RHOBTB3: variants seen among roughly 807,000 people sequenced by gnomAD.
The protein encoded by RHOBTB3 is Rho related BTB domain containing 3.
RHOBTB3 carries 47 observed loss-of-function variants against 67.2 expected under a neutral mutation model. The observed-to-expected ratio is 0.70, with a 90% CI of 0.55 to 0.89. RHOBTB3 has a LOEUF of 0.89. Among genes scored for constraint, RHOBTB3 ranks in the 40% least tolerant of loss-of-function variants. RHOBTB3 has a pLI of 0.00. For missense variants in RHOBTB3, 631 were observed against 750.0 expected (o/e 0.84, Z 1.85); for synonymous variants, 273 against 274.2 (o/e 1.00, Z 0.04).
chr5:95,743,423 T>A (rs904445958), intron 3 of RHOBTB3, among the ~76,000 whole-genome samples: 1 of 151,952 alleles, frequency 6.6e-6, no homozygotes, highest in Non-Finnish European at 1.5e-5. Context: ...GGCCGCCTCC[T>A]CCTTGTTGCT....
At position 95,748,223 on chromosome 5, in the gene RHOBTB3, G is replaced by A. The variant is rs995301098; in HGVS notation, c.416-110G>A. The stretch of plus-strand genomic sequence containing the variant: ...GGTAGTGGATATACTGAATGCTTTT[G>A]AACTGTGGCTCTAGTATGAGCTCTT... On this transcript the variant is annotated intron_variant, in intron 3 of 11. Coordinates refer to ENST00000379982, the MANE Select transcript of RHOBTB3 (RefSeq NM_014899.4). 67 of 692,942 alleles carry A rather than the reference G, an allele frequency of 9.7e-5. No individual in the cohort carries two copies. The East Asian group carries it at 1.9e-3, about 20-fold the overall frequency. 42.9% of individuals were successfully genotyped at this position (692,942 alleles called of 1,614,324 possible).
intron 2 of RHOBTB3, among the ~76,000 whole-genome samples, chr5:95,733,111 G>A (rs1755344579): frequency 6.6e-6 from 1 of 152,152 alleles, no homozygotes; most frequent in South Asian, 2.1e-4. Context: ...CTTATGCAAA[G>A]TTCCACATAA....
chr5:95,720,406 G>T (rs990487938), intron 1 of RHOBTB3, among the ~76,000 whole-genome samples: 2 of 152,192 alleles, frequency 1.3e-5, no homozygotes, highest in African/African-American at 4.8e-5. Flanking sequence ...CATAGTTAAT[G>T]CAAAAGGACT....
chr5:95,724,210 C>G (rs754309888), intron 1 of RHOBTB3, among the ~76,000 whole-genome samples: 17 of 152,174 alleles, frequency 1.1e-4, no homozygotes, highest in Non-Finnish European at 1.8e-4. Flanking sequence ...CTGAAAAGAA[C>G]TTAAAAAGAT....
upstream of RHOBTB3, chr5:95,731,005 G>C: frequency 1.5e-6 from 1 of 679,326 alleles, no homozygotes; most frequent in Non-Finnish European, 2.2e-6. Flanking sequence ...TCCGGAGTGA[G>C]CGGGGGCCCC....
chr5:95,752,099 G>A (rs1456100145), intron 4 of RHOBTB3, 140 bp from the exon 5 acceptor site: 9 of 579,672 alleles, frequency 1.6e-5, no homozygotes, highest in Non-Finnish European at 2.8e-5. Flanking sequence ...TAAAAACATT[G>A]TTTATATGTG....
At chr5:95,758,038 T>C (rs901246415) in intron 6 of RHOBTB3, among the ~76,000 whole-genome samples, 3 of 152,242 alleles carry the variant, frequency 2.0e-5, no homozygotes, top group African/African-American at 7.2e-5. Flanking sequence ...AATTTTCTGT[T>C]GAAATTACAT....
chr5:95,775,446 T>G (rs868263131), intron 8 of RHOBTB3, among the ~76,000 whole-genome samples: 105 of 149,318 alleles, frequency 7.0e-4, no homozygotes, highest in African/African-American at 2.4e-3. Context: ...TATTAAACAT[T>G]CTTAATAATA....
intron 8 of RHOBTB3, among the ~76,000 whole-genome samples, chr5:95,774,699 A>G (rs1745816698): frequency 6.6e-6 from 1 of 152,150 alleles, no homozygotes; most frequent in African/African-American, 2.4e-5. Context: ...TTGGCAGTGT[A>G]TGAAAGTGCT....
intron 6 of RHOBTB3, 170 bp downstream of exon 6, chr5:95,755,931 C>T (rs1353210984): frequency 4.8e-6 from 3 of 618,864 alleles, no homozygotes; most frequent in Non-Finnish European, 8.0e-6. Context: ...TTGGTCCAAG[C>T]TTTCTGTTTT....
intron 3 of RHOBTB3, among the ~76,000 whole-genome samples, chr5:95,740,630 T>G (rs1278997536): frequency 6.6e-6 from 1 of 152,238 alleles, no homozygotes; most frequent in Non-Finnish European, 1.5e-5. Flanking sequence ...TCTTGAAGCT[T>G]GAGCTTCATC....
chr5:95,759,358 A>G (rs562755898), intron 6 of RHOBTB3, among the ~76,000 whole-genome samples: 122 of 152,352 alleles, frequency 8.0e-4, no homozygotes, highest in African/African-American at 2.8e-3. Flanking sequence ...GTATCTATTT[A>G]TTATTCTTTA....
At chr5:95,739,353 C>T (rs1755539240) in intron 3 of RHOBTB3, among the ~76,000 whole-genome samples, 1 of 152,120 alleles carries the variant, frequency 6.6e-6, no homozygotes, top group South Asian at 2.1e-4. Flanking sequence ...GTCATGGTGG[C>T]CTTCTTTTTG....
At chr5:95,766,596 TAAAAAA>T (rs534051950) in intron 7 of RHOBTB3, among the ~76,000 whole-genome samples, 1 of 115,848 alleles carries the variant, frequency 8.6e-6, no homozygotes, top group Non-Finnish European at 1.9e-5. Flanking sequence ...GACTAAAATT[TAAAAAA>T]AAAAAAAAAA....
chr5:95,779,306 C>A (rs1371403101), intron 8 of RHOBTB3, among the ~76,000 whole-genome samples: 1 of 152,100 alleles, frequency 6.6e-6, no homozygotes, highest in Non-Finnish European at 1.5e-5. Context: ...GCAGAGGTAG[C>A]TTTGTCTTCC....
At chr5:95,749,310 A>G (rs554546153) in intron 4 of RHOBTB3, among the ~76,000 whole-genome samples, 13 of 152,364 alleles carry the variant, frequency 8.5e-5, no homozygotes, top group African/African-American at 2.9e-4. Context: ...ACTCTTTCCA[A>G]TACGCCCCAA....
At chr5:95,769,856 T>C (rs1745656544) in intron 8 of RHOBTB3, 1 of 298,072 alleles carries the variant, frequency 3.4e-6, no homozygotes, top group Admixed American at 4.2e-5. Context: ...TGGTTGTCAT[T>C]GCTGAAGATG....
chr5:95,790,387 C>G (rs900045998), intron 11 of RHOBTB3, among the ~76,000 whole-genome samples: 1 of 152,128 alleles, frequency 6.6e-6, no homozygotes, highest in Admixed American at 6.5e-5. Context: ...TGAGGTCACT[C>G]TTATTTGTAA....
At chr5:95,732,135 T>A (rs745445372) in intron 2 of RHOBTB3, 51 bp downstream of exon 2, 1 of 1,524,922 alleles carries the variant, frequency 6.6e-7, no homozygotes, top group Non-Finnish European at 9.1e-7. Flanking sequence ...TTTTCTTTCC[T>A]TTTTTTTCCC....
Sources: gnomAD v4.1 joint callset for allele counts (sites outside exome capture counted in the v4.1 genomes callset) on GRCh38, gnomAD v4.1.1 for gene constraint, MANE v1.5 for transcripts, NCBI Gene and HGNC (gene_info 2026-07-23, HGNC 2026-07-21) for gene names.